The following NEGR1 variants were observed in gnomAD, a reference collection of about 807,000 sequenced individuals.
NEGR1 encodes the protein neuronal growth regulator 1.
A neutral mutation model predicts 40.9 loss-of-function variants in NEGR1; 10 were observed. The observed-to-expected ratio is 0.24, with a 90% confidence interval of 0.15 to 0.42. The LOEUF is 0.42. NEGR1 is among the 10% of genes least tolerant of loss of function. The pLI is 1.00. For missense variants in NEGR1, 352 were observed against 438.9 expected (o/e 0.80, Z 1.77); for synonymous variants, 185 against 166.8 (o/e 1.11, Z -0.84).
intron 2 of NEGR1, among the ~76,000 whole-genome samples, chr1:71,820,096 G>A (rs972664103): frequency 1.1e-4 from 16 of 151,902 alleles, no homozygotes; most frequent in Admixed American, 1.0e-3. Context: ...TTTATTTTTT[G>A]GTAATGAAAG....
At chr1:72,002,719 T>C (rs977013481) in intron 1 of NEGR1, among the ~76,000 whole-genome samples, 5 of 152,176 alleles carry the variant, frequency 3.3e-5, no homozygotes, top group Non-Finnish European at 1.5e-5. Flanking sequence ...ATCAATAATG[T>C]CACATCAATT....
chr1:72,247,488 C>A (rs890581176), intron 1 of NEGR1, among the ~76,000 whole-genome samples: 1 of 152,190 alleles, frequency 6.6e-6, no homozygotes, highest in Non-Finnish European at 1.5e-5. Context: ...CTCTGACCTT[C>A]AAACATCCAC....
chr1:71,845,070 C>A (rs1392714815), intron 2 of NEGR1, among the ~76,000 whole-genome samples: 2 of 152,128 alleles, frequency 1.3e-5, no homozygotes, highest in Non-Finnish European at 2.9e-5. Context: ...GACAATGGTT[C>A]TTTTTCAAAC....
At chr1:72,042,856 T>A (rs149046847) in intron 1 of NEGR1, among the ~76,000 whole-genome samples, 47 of 152,162 alleles carry the variant, frequency 3.1e-4, no homozygotes, top group African/African-American at 1.1e-3. Flanking sequence ...ATGTAAAGGA[T>A]CTAAACTAGC....
intron 1 of NEGR1, among the ~76,000 whole-genome samples, chr1:71,992,129 T>C (rs765833256): frequency 1.3e-4 from 20 of 152,086 alleles, no homozygotes; most frequent in Non-Finnish European, 2.5e-4. Flanking sequence ...CATCATAGTC[T>C]ACTACCAATA....
chr1:71,502,979 G>A (rs747555826), intron 6 of NEGR1, among the ~76,000 whole-genome samples: 1 of 152,102 alleles, frequency 6.6e-6, no homozygotes, highest in South Asian at 2.1e-4. Context: ...CAGATACAGA[G>A]ACTGACAGGA....
intron 4 of NEGR1, among the ~76,000 whole-genome samples, chr1:71,616,524 C>T (rs1374352531): frequency 6.6e-6 from 1 of 152,096 alleles, no homozygotes; most frequent in East Asian, 1.9e-4. Flanking sequence ...CTTGCAGACT[C>T]ATATCAAAAC....
At chr1:71,642,495 C>T (rs975165429) in intron 4 of NEGR1, among the ~76,000 whole-genome samples, 3 of 151,816 alleles carry the variant, frequency 2.0e-5, no homozygotes, top group African/African-American at 7.3e-5. Flanking sequence ...TTTGTAAGCC[C>T]TTGCTCTCTC....
intron 3 of NEGR1, among the ~76,000 whole-genome samples, chr1:71,705,377 A>G (rs1308581199): frequency 1.3e-5 from 2 of 152,234 alleles, no homozygotes; most frequent in African/African-American, 4.8e-5. Context: ...GCAAAACTAT[A>G]TAAGAATATA....
intron 4 of NEGR1, among the ~76,000 whole-genome samples, chr1:71,689,395 A>G (rs1653176157): frequency 6.6e-6 from 1 of 152,128 alleles, no homozygotes; most frequent in Admixed American, 6.6e-5. Context: ...AAATGGGGAG[A>G]TTGAGACCTA....
At chr1:71,937,539 G>A (rs986324393) in intron 1 of NEGR1, among the ~76,000 whole-genome samples, 1 of 152,164 alleles carries the variant, frequency 6.6e-6, no homozygotes, top group African/African-American at 2.4e-5. Context: ...TTGATCACTA[G>A]AAAATAAATG....
intron 1 of NEGR1, among the ~76,000 whole-genome samples, chr1:72,094,901 C>T (rs758072633): frequency 5.9e-5 from 9 of 152,050 alleles, no homozygotes; most frequent in South Asian, 2.1e-4. Flanking sequence ...ATAGCAAGTG[C>T]ATCAAAACTC....
At chr1:71,928,075 T>TAC (rs145366825) in intron 2 of NEGR1, among the ~76,000 whole-genome samples, 4 of 25,366 alleles carry the variant, frequency 1.6e-4, no homozygotes, top group Non-Finnish European at 2.5e-4. Context: ...CACACATATG[T>TAC]ACATATATGT....
chr1:71,667,884 AC>A (rs1570173933), intron 4 of NEGR1, among the ~76,000 whole-genome samples: 1 of 152,190 alleles, frequency 6.6e-6, no homozygotes, highest in East Asian at 1.9e-4. Context: ...CTCAGAGCTT[AC>A]AAAAATATTT....
At chr1:71,984,372 A>G (rs989719303) in intron 1 of NEGR1, among the ~76,000 whole-genome samples, 53 of 152,018 alleles carry the variant, frequency 3.5e-4, no homozygotes, top group African/African-American at 1.3e-3. Flanking sequence ...AAGTGATCTC[A>G]CCTCGGCCCC....
At chr1:71,482,464 T>C (rs1259595208) in intron 6 of NEGR1, among the ~76,000 whole-genome samples, 2 of 151,800 alleles carry the variant, frequency 1.3e-5, no homozygotes, top group Non-Finnish European at 2.9e-5. Context: ...TTAAAAAATA[T>C]ACATACACTT....
At chr1:71,942,955 GTTTGTTT>G (rs1446810649) in intron 1 of NEGR1, among the ~76,000 whole-genome samples, 1 of 133,944 alleles carries the variant, frequency 7.5e-6, no homozygotes, top group African/African-American at 2.7e-5. Flanking sequence ...CTGGCCCTAA[GTTTGTTT>G]TATATATATA....
intron 2 of NEGR1, among the ~76,000 whole-genome samples, chr1:71,843,944 C>T (rs892648167): frequency 2.0e-5 from 3 of 152,092 alleles, no homozygotes; most frequent in African/African-American, 7.2e-5. Context: ...TATGAAATAT[C>T]TCTCTCCCTA....
intron 4 of NEGR1, among the ~76,000 whole-genome samples, chr1:71,697,317 C>A (rs1399632346): frequency 6.6e-6 from 1 of 151,588 alleles, no homozygotes; most frequent in Non-Finnish European, 1.5e-5. Context: ...TAGATAAAGA[C>A]TTAGGGGAGA....
Sources: allele counts gnomAD v4.1 joint callset (sites outside exome capture counted in the v4.1 genomes callset), GRCh38; gene constraint gnomAD v4.1.1; transcripts MANE v1.5; gene names NCBI Gene and HGNC (gene_info 2026-07-23, HGNC 2026-07-21).